The following RNF220 variants were observed in gnomAD, a reference collection of about 807,000 sequenced individuals.
RNF220 encodes ring finger protein 220, also known as E3 ubiquitin-protein ligase RNF220.
RNF220 carries 7 observed loss-of-function variants against 67.1 expected under a neutral mutation model. That is an observed-to-expected ratio of 0.10 (90% confidence interval 0.06 to 0.20). RNF220 has a LOEUF of 0.20. Ranked by LOEUF, RNF220 falls within the 10% of genes least tolerant of loss-of-function variation. The pLI is 1.00. For missense variants in RNF220, 565 were observed against 740.3 expected (o/e 0.76, Z 2.75); for synonymous variants, 270 against 283.2 (o/e 0.95, Z 0.47).
intron 2 of RNF220, among the ~76,000 whole-genome samples, chr1:44,590,090 G>A (rs576489112): frequency 3.9e-5 from 6 of 152,320 alleles, no homozygotes; most frequent in East Asian, 3.9e-4. Context: ...GTGGCAGTGC[G>A]GATGCTGGCC....
At chr1:44,451,592 A>G (rs888376161) in intron 2 of RNF220, among the ~76,000 whole-genome samples, 1 of 151,988 alleles carries the variant, frequency 6.6e-6, no homozygotes, top group Non-Finnish European at 1.5e-5. Flanking sequence ...TAAATCATAC[A>G]TAAGGTTTTA....
chr1:44,596,833 A>G (rs1666532277), intron 2 of RNF220, among the ~76,000 whole-genome samples: 1 of 152,202 alleles, frequency 6.6e-6, no homozygotes, highest in African/African-American at 2.4e-5. Context: ...GCTCTCAACT[A>G]TGAGGAGTTT....
intron 2 of RNF220, among the ~76,000 whole-genome samples, chr1:44,509,277 G>T (rs1317123526): frequency 6.6e-6 from 1 of 152,220 alleles, no homozygotes; most frequent in Non-Finnish European, 1.5e-5. Flanking sequence ...GCAGCCGGGT[G>T]TGGTGGCTCA....
At chr1:44,616,945 C>T (rs1643578611) in intron 3 of RNF220, among the ~76,000 whole-genome samples, 1 of 152,174 alleles carries the variant, frequency 6.6e-6, no homozygotes, top group Admixed American at 6.5e-5. Context: ...ACACCCCCAC[C>T]CATGACTCTG....
At chr1:44,597,645 A>G (rs1207935479) in intron 2 of RNF220, among the ~76,000 whole-genome samples, 1 of 151,552 alleles carries the variant, frequency 6.6e-6, no homozygotes, top group African/African-American at 2.4e-5. Flanking sequence ...TCTTGCACAC[A>G]CACCGTTTCT....
intron 4 of RNF220, among the ~76,000 whole-genome samples, chr1:44,625,400 G>A (rs997021996): frequency 2.6e-5 from 4 of 152,184 alleles, no homozygotes; most frequent in Non-Finnish European, 4.4e-5. Flanking sequence ...CACCGCATGC[G>A]GGTCACATCC....
intron 2 of RNF220, among the ~76,000 whole-genome samples, chr1:44,597,961 CCCACCTCTCTCT>C (rs1666644792): frequency 6.9e-6 from 1 of 145,624 alleles, no homozygotes; most frequent in African/African-American, 2.6e-5. Flanking sequence ...CCCCACCCCA[CCCACCTCTCTCT>C]CTCTCTCTCT....
At chr1:44,461,467 G>A (rs1290878948) in intron 2 of RNF220, among the ~76,000 whole-genome samples, 1 of 152,190 alleles carries the variant, frequency 6.6e-6, no homozygotes, top group African/African-American at 2.4e-5. Flanking sequence ...GGCTGTGGAT[G>A]TTTTGGTGAT....
chr1:44,616,201 C>G (rs1287034648), intron 3 of RNF220, among the ~76,000 whole-genome samples: 1 of 152,204 alleles, frequency 6.6e-6, no homozygotes, highest in Non-Finnish European at 1.5e-5. Context: ...TGCTTCTACT[C>G]TATTCTATTC....
intron 2 of RNF220, among the ~76,000 whole-genome samples, chr1:44,524,979 G>C (rs1660250674): frequency 6.8e-6 from 1 of 146,046 alleles, no homozygotes; most frequent in Admixed American, 7.0e-5. Flanking sequence ...AAGGAAAAGA[G>C]AAAAAGAGAA....
At chr1:44,525,511 G>A (rs1168302836) in intron 2 of RNF220, among the ~76,000 whole-genome samples, 2 of 152,174 alleles carry the variant, frequency 1.3e-5, no homozygotes, top group Non-Finnish European at 2.9e-5. Context: ...CCAGGTGCCT[G>A]TTTACCCCCC....
rs549351211 is a variant in RNF220 at position 44,458,791 on chromosome 1, C to T, written c.625+46069C>T. 6.2e-4 allele frequency among the ~76,000 whole-genome samples: 94 copies of T among 152,336 alleles called. 1 individual carries two copies. The highest frequency in any genetic ancestry group is 2.1e-3 in the African/African-American group (88 of 41,572). On this transcript the variant is annotated intron_variant, in intron 2 of 14. Coordinates refer to ENST00000361799, the MANE Select transcript of RNF220 (RefSeq NM_018150.4). ...TGGAACAATCACAGTGACTTACACT[C>T]AGCTGGTAAAAGTGGAAGTAGTATA... is the stretch of plus-strand genomic sequence containing the variant.
intron 2 of RNF220, among the ~76,000 whole-genome samples, chr1:44,468,522 G>A (rs35418918): frequency 0.3 from 45,240 of 152,134 alleles, 6,933 homozygotes; most frequent in Middle Eastern, 0.38. Context: ...TAGTACTTGC[G>A]TTTGGGGAGG....
At position 44,649,718 on chromosome 1, in the gene RNF220, A is replaced by C. The variant is rs1644739384; in HGVS notation, c.1503A>C (p.Glu501Asp). ...TFEALKARVR[E>D]LERQLSRGDR... ...AGGCTCTGAAGGCTCGGGTCAGAGA[A>C]CTTGAACGGCAGCTATCTCGTGGGG... The change falls in exon 13 of 15, where the codon GAA (glutamate) becomes GAC (aspartate). Residue 501 changes from glutamate (E) to aspartate (D), a missense_variant. Transcript: ENST00000361799. The surrounding 1 kb of genome is among the most constrained non-coding windows in gnomAD (Gnocchi z 5.9). 6.2e-7 allele frequency: 1 copy of C among 1,613,906 alleles called. No homozygotes were observed. Among genetic ancestry groups the C allele is most frequent in the Admixed American group, 1.7e-5 (1 of 59,988 alleles).
intron 2 of RNF220, among the ~76,000 whole-genome samples, chr1:44,576,047 A>G (rs1439822074): frequency 6.6e-6 from 1 of 152,226 alleles, no homozygotes; most frequent in Non-Finnish European, 1.5e-5. Flanking sequence ...TGGGTGATCT[A>G]CCACTTCACT....
chr1:44,507,933 C>T (rs1295009056), intron 2 of RNF220, among the ~76,000 whole-genome samples: 1 of 152,172 alleles, frequency 6.6e-6, no homozygotes, highest in Non-Finnish European at 1.5e-5. Context: ...CCTCTGCCCC[C>T]ATGCTTGGGG....
At chr1:44,562,907 T>A (rs562888141) in intron 2 of RNF220, among the ~76,000 whole-genome samples, 1 of 152,222 alleles carries the variant, frequency 6.6e-6, no homozygotes, top group Non-Finnish European at 1.5e-5. Flanking sequence ...ATTTATCCAA[T>A]GCCATCACAA....
intron 2 of RNF220, among the ~76,000 whole-genome samples, chr1:44,555,760 C>T (rs1437683571): frequency 6.6e-6 from 1 of 150,662 alleles, no homozygotes; most frequent in African/African-American, 2.5e-5. Flanking sequence ...CAGGCGTGAG[C>T]CACCGCGCCT....
Position 44,649,150 on chromosome 1 carries a change from T to G in RNF220, c.1446-511T>G, listed in dbSNP as rs1573202106. ...GGCGGGCTGGGGCTGGACCAAGGAGTGTAGTGGAGCTCTCTACTCCAAGGG... is the reference window on the plus strand; with the variant it reads ...GGCGGGCTGGGGCTGGACCAAGGAGGGTAGTGGAGCTCTCTACTCCAAGGG... On this transcript the variant is annotated intron_variant, in intron 12 of 14. Coordinates refer to ENST00000361799, the MANE Select transcript of RNF220 (RefSeq NM_018150.4). The surrounding 1 kb of genome is among the most constrained non-coding windows in gnomAD (Gnocchi z 5.9). 1.2e-5 allele frequency: 2 copies of G among 172,786 alleles called. No homozygotes were observed. The highest frequency in any genetic ancestry group is 2.5e-5 in the Non-Finnish European group (2 of 80,278). The allele number at this position is 172,786 out of a possible 1,614,324, so 10.7% of individuals were successfully genotyped here.
Sources: allele counts gnomAD v4.1 joint callset (sites outside exome capture counted in the v4.1 genomes callset), GRCh38; gene constraint gnomAD v4.1.1; non-coding constraint Gnocchi (gnomAD v3.1); transcripts MANE v1.5; gene names NCBI Gene and HGNC (gene_info 2026-07-23, HGNC 2026-07-21).